KLHL5: variants seen among roughly 807,000 people sequenced by gnomAD.
KLHL5 encodes the protein kelch like family member 5, also known as kelch-like protein 5.
A neutral mutation model predicts 77.7 loss-of-function variants in KLHL5; 48 were observed. That is an observed-to-expected ratio of 0.62 (90% CI 0.49 to 0.79). The LOEUF (loss-of-function observed/expected upper bound fraction) is 0.79, where lower values mean the gene tolerates loss of function less well. KLHL5 is among the 30% of genes least tolerant of loss of function. The pLI, the probability that KLHL5 is intolerant of heterozygous loss-of-function variation, is 0.00. For synonymous variants in KLHL5, 260 were observed against 297.0 expected, an observed-to-expected ratio of 0.88 and a Z score of 1.28; for missense variants, 723 against 859.7, an observed-to-expected ratio of 0.84 and a Z score of 1.99.
chr4:39,079,248 T>G (rs2109367197), intron 2 of KLHL5, among the ~76,000 whole-genome samples: 1 of 152,354 alleles, frequency 6.6e-6, no homozygotes, highest in African/African-American at 2.4e-5. Context: ...TTAACGTAGC[T>G]ACCTGAGTGA....
At chr4:39,141,562 C>T in the KLHL5 span, among the ~76,000 whole-genome samples, 1 of 152,036 alleles carries the variant, frequency 6.6e-6, no homozygotes, top group Admixed American at 6.6e-5. Flanking sequence ...CCGCCCACCT[C>T]GGCCTCCCAA....
intron 1 of KLHL5, among the ~76,000 whole-genome samples, chr4:39,048,349 A>G (rs1011886331): frequency 3.0e-4 from 46 of 152,326 alleles, no homozygotes; most frequent in Non-Finnish European, 3.7e-4. Flanking sequence ...ACAAAATGAT[A>G]CCATTCTGAA....
intron 1 of KLHL5, among the ~76,000 whole-genome samples, chr4:39,067,640 A>G (rs2566132): frequency 0.73 from 109,830 of 151,010 alleles, 40,084 homozygotes; most frequent in East Asian, 0.82. Context: ...GCTTGGCTAC[A>G]TTACAAGTAT....
At chr4:39,076,218 C>T (rs1301719263) in intron 2 of KLHL5, 71 bp downstream of exon 2, 4 of 1,307,222 alleles carry the variant, frequency 3.1e-6, no homozygotes, top group African/African-American at 1.5e-5. Context: ...ATTGAGGTAA[C>T]CTACTTCAAT....
Position 39,082,267 on chromosome 4 carries a change from G to T in KLHL5, c.900+108G>T. 3 of 874,056 alleles carry T rather than the reference G, an allele frequency of 3.4e-6. No homozygotes were observed. The South Asian group carries it at 5.4e-5, about 16-fold the overall frequency. 54.1% of individuals were successfully genotyped at this position (874,056 alleles called of 1,614,324 possible). ...TTCCCATGGCTCTGCCACGTGTCTT[G>T]CGATTGAGCTTCATTGCCTAGTGTG... On this transcript the variant is annotated intron_variant, in intron 4 of 10. Coordinates refer to ENST00000504108, the MANE Select transcript of KLHL5 (RefSeq NM_015990.5).
At chr4:39,060,345 ATAAAG>A (rs963525599), upstream of KLHL5, among the ~76,000 whole-genome samples, 22 of 152,088 alleles carry the variant, frequency 1.4e-4, no homozygotes, top group Non-Finnish European at 1.5e-5. Flanking sequence ...GATTGGCAAA[ATAAAG>A]GTATCATTTT....
chr4:39,093,919 C>A (rs1720827111), intron 5 of KLHL5, among the ~76,000 whole-genome samples: 1 of 151,754 alleles, frequency 6.6e-6, no homozygotes, highest in Non-Finnish European at 1.5e-5. Context: ...AAAAAAAAAT[C>A]TATGGAAGTC....
the KLHL5 span, among the ~76,000 whole-genome samples, chr4:39,135,952 G>A: frequency 6.6e-6 from 1 of 151,118 alleles, no homozygotes. Context: ...TACCAGACAC[G>A]GCCGAATTAT....
chr4:39,098,932 A>C (rs895804671), intron 6 of KLHL5, among the ~76,000 whole-genome samples: 2 of 152,180 alleles, frequency 1.3e-5, no homozygotes, highest in Non-Finnish European at 2.9e-5. Context: ...AAAAGTAAAC[A>C]TTTGGGAAAA....
At chr4:39,093,806 T>G (rs780357353) in intron 5 of KLHL5, among the ~76,000 whole-genome samples, 2 of 151,878 alleles carry the variant, frequency 1.3e-5, no homozygotes, top group Non-Finnish European at 2.9e-5. Flanking sequence ...CTGAGGAGGC[T>G]GAGGCAGGAG....
At chr4:39,134,393 C>T in the KLHL5 span, among the ~76,000 whole-genome samples, 1 of 152,190 alleles carries the variant, frequency 6.6e-6, no homozygotes, top group Admixed American at 6.5e-5. Flanking sequence ...TTTACAACAG[C>T]TGTATGAAGT....
intron 7 of KLHL5, among the ~76,000 whole-genome samples, chr4:39,106,183 C>A (rs1305524583): frequency 2.6e-5 from 4 of 152,300 alleles, no homozygotes; most frequent in Admixed American, 2.6e-4. Context: ...GCCAGACTGG[C>A]CACCTTGTTG....
Position 39,123,827 on chromosome 4 carries a change from A to T in KLHL5, c.*2761A>T, listed in dbSNP as rs1305794747. Among the ~76,000 whole-genome samples, 1 of 152,162 alleles carries T rather than the reference A, an allele frequency of 6.6e-6. No individual in the cohort carries two copies. On this transcript the variant is annotated 3_prime_UTR_variant, in exon 11 of 11. Transcript: ENST00000504108. The stretch of plus-strand genomic sequence containing the variant: ...GATTTCCCCACTGCTATTCAACATT[A>T]TACTAGAAGGTCTAGCCAGAGCAAT...
At chr4:39,050,487 T>G (rs1286792533) in intron 1 of KLHL5, among the ~76,000 whole-genome samples, 4 of 152,252 alleles carry the variant, frequency 2.6e-5, no homozygotes, top group Admixed American at 1.3e-4. Context: ...TCTCTGCACA[T>G]GTATTTCTTT....
chr4:39,045,221 CCCCTCCCGGAGGCGGCTGCGAGG>C (rs1183073838), intron 1 of KLHL5: 35 of 958,584 alleles, frequency 3.7e-5, no homozygotes, highest in South Asian at 4.8e-5. Flanking sequence ...GAAGACGCTG[CCCCTCCCGGAGGCGGCTGCGAGG>C]CCCTCGGGTC....
rs1723422812 is a variant in KLHL5 at position 39,124,801 on chromosome 4, G to GAAAAA, written c.*3735_*3736insAAAAA. 1.2e-4 allele frequency among the ~76,000 whole-genome samples: 2 copies of GAAAAA among 17,194 alleles called. No homozygotes were observed. Among genetic ancestry groups the GAAAAA allele is most frequent in the Non-Finnish European group, 3.0e-4 (2 of 6,602 alleles). The allele number at this position is 17,194 out of a possible 152,430, so 11.3% of individuals were successfully genotyped here. A position where few individuals can be genotyped will look rare whatever the true frequency, so the allele number is the denominator to read the frequency against. ...GGCACCAAAAGCACAAGCAACAACA[G>GAAAAA]CAAAAAAAAAAAAAAAAAAAAAAAA... On this transcript the variant is annotated 3_prime_UTR_variant, in exon 11 of 11. Transcript: ENST00000504108.
In KLHL5 at chr4:39,045,137, C is replaced by T. The variant is rs1374344723; in HGVS notation, c.-95+41C>T. On this transcript the variant is annotated intron_variant, in intron 1 of 11. Coordinates refer to the KLHL5 transcript ENST00000261425. Reference sequence around the variant, plus strand: ...TTCTCGGCATCGGGGAGGGGGCCGCCTCGGGCAGGGCCCGCTTCCCGCCCC... The same window carrying T: ...TTCTCGGCATCGGGGAGGGGGCCGCTTCGGGCAGGGCCCGCTTCCCGCCCC... The T allele has an allele frequency of 5.1e-6, 5 of 984,298 alleles. No homozygotes were observed. In the East Asian group the frequency reaches 5.7e-4, roughly 112 times the overall value. The allele number at this position is 984,298 out of a possible 1,614,324, so 61.0% of individuals were successfully genotyped here. A position where few individuals can be genotyped will look rare whatever the true frequency, so the allele number is the denominator to read the frequency against.
At chr4:39,104,376 T>G (rs1414873081) in intron 7 of KLHL5, among the ~76,000 whole-genome samples, 6 of 152,150 alleles carry the variant, frequency 3.9e-5, no homozygotes, top group African/African-American at 1.4e-4. Context: ...AAAATGTGAG[T>G]TAAGCATGAA....
At chr4:39,053,642 A>T (rs1016637025) in intron 1 of KLHL5, among the ~76,000 whole-genome samples, 1 of 152,212 alleles carries the variant, frequency 6.6e-6, no homozygotes, top group African/African-American at 2.4e-5. Context: ...TAAGGAGTGG[A>T]TAGCAAGGGA....
Sources: allele counts gnomAD v4.1 joint callset (sites outside exome capture counted in the v4.1 genomes callset), GRCh38; gene constraint gnomAD v4.1.1; transcripts MANE v1.5; gene names NCBI Gene and HGNC (gene_info 2026-07-23, HGNC 2026-07-21).